The following KCNH5 variants were observed in gnomAD, a reference collection of about 807,000 sequenced individuals.
KCNH5 encodes potassium voltage-gated channel subfamily H member 5, also known as voltage-gated delayed rectifier potassium channel KCNH5.
In KCNH5, 46 loss-of-function variants were observed where a neutral mutation model predicts 96.1. The ratio of observed to expected loss-of-function variants is 0.48; its 90% CI spans 0.38 to 0.61. The LOEUF is 0.61. KCNH5 is among the 20% of genes least tolerant of loss of function. The pLI is 0.00. For synonymous variants in KCNH5, 439 were observed against 449.8 expected, an observed-to-expected ratio of 0.98 and a Z score of 0.30; for missense variants, 907 against 1,225.8, an observed-to-expected ratio of 0.74 and a Z score of 3.88.
intron 7 of KCNH5, among the ~76,000 whole-genome samples, chr14:62,909,538 T>C (rs1460858219): frequency 2.6e-5 from 4 of 152,108 alleles, no homozygotes; most frequent in Non-Finnish European, 4.4e-5. Context: ...CTCTCTCTCT[T>C]CCTCTCACAC....
In KCNH5 at chr14:62,949,962, T is replaced by C. The variant is rs1050726495; in HGVS notation, c.1369+171A>G. The stretch of plus-strand genomic sequence containing the variant: ...CATTATTATGTCCTGAAGAGTAAAA[T>C]ATATTATTTTGCATTTCTATTTTCT... On this transcript the variant is annotated intron_variant, in intron 7 of 10. Transcript: ENST00000322893. The C allele has an allele frequency of 1.0e-4, 63 of 606,916 alleles. No homozygotes were observed. The African/African-American group carries it at 1.0e-3, about 10-fold the overall frequency. 37.6% of individuals were successfully genotyped at this position (606,916 alleles called of 1,614,324 possible).
chr14:62,858,780 A>G (rs1423963029), intron 7 of KCNH5, among the ~76,000 whole-genome samples: 1 of 152,122 alleles, frequency 6.6e-6, no homozygotes, highest in Non-Finnish European at 1.5e-5. Context: ...AAACAATACC[A>G]TATATCGGAT....
intron 8 of KCNH5, among the ~76,000 whole-genome samples, chr14:62,844,751 C>T (rs1887656450): frequency 6.6e-6 from 1 of 152,116 alleles, no homozygotes; most frequent in Non-Finnish European, 1.5e-5. Flanking sequence ...CTGCAATCTC[C>T]ACATCAGTAC....
intron 2 of KCNH5, among the ~76,000 whole-genome samples, chr14:63,008,731 C>A (rs2012409): frequency 0.013 from 2,002 of 152,188 alleles, 47 homozygotes; most frequent in African/African-American, 0.046. Context: ...TCAAAGCACA[C>A]CTGCAAGCTG....
At chr14:62,982,662 G>C (rs987141835) in intron 5 of KCNH5, among the ~76,000 whole-genome samples, 8 of 152,172 alleles carry the variant, frequency 5.3e-5, no homozygotes, top group African/African-American at 1.9e-4. Context: ...TTGGCAGCTT[G>C]GGAGAGTATC....
At chr14:62,911,845 G>A (rs1208353933) in intron 7 of KCNH5, among the ~76,000 whole-genome samples, 3 of 151,532 alleles carry the variant, frequency 2.0e-5, no homozygotes, top group Admixed American at 6.6e-5. Flanking sequence ...GACAAGCCTG[G>A]CCAACATAGT....
intron 7 of KCNH5, among the ~76,000 whole-genome samples, chr14:62,869,284 C>T (rs1393770011): frequency 6.6e-6 from 1 of 152,104 alleles, no homozygotes; most frequent in African/African-American, 2.4e-5. Flanking sequence ...TCTCTAATGA[C>T]CAGTGATGAC....
intron 10 of KCNH5, among the ~76,000 whole-genome samples, chr14:62,725,329 T>G (rs907988098): frequency 6.6e-6 from 1 of 152,216 alleles, no homozygotes; most frequent in Non-Finnish European, 1.5e-5. Flanking sequence ...GTGTTACTTT[T>G]GGGTGGAAGA....
At chr14:62,979,409 A>T (rs904040069) in intron 6 of KCNH5, among the ~76,000 whole-genome samples, 3 of 152,124 alleles carry the variant, frequency 2.0e-5, no homozygotes, top group African/African-American at 7.2e-5. Context: ...TCAAAATACA[A>T]TGTCTACACT....
chr14:62,761,074 G>A (rs1885737001), intron 10 of KCNH5, among the ~76,000 whole-genome samples: 1 of 152,128 alleles, frequency 6.6e-6, no homozygotes, highest in African/African-American at 2.4e-5. Context: ...ATTACGGTCG[G>A]CCAGGCAGGG....
intron 7 of KCNH5, among the ~76,000 whole-genome samples, chr14:62,918,470 A>G (rs887535769): frequency 2.0e-5 from 3 of 152,160 alleles, no homozygotes; most frequent in Non-Finnish European, 4.4e-5. Context: ...TATTTGCAAC[A>G]CGTAAGATAA....
intron 7 of KCNH5, among the ~76,000 whole-genome samples, chr14:62,897,974 AT>A (rs756348614): frequency 6.6e-6 from 1 of 152,190 alleles, no homozygotes; most frequent in Non-Finnish European, 1.5e-5. Context: ...AAAATTTCTC[AT>A]TTAATGAAAC....
intron 5 of KCNH5, 91 bp from the exon 6 acceptor site, chr14:62,981,355 A>T: frequency 2.4e-6 from 3 of 1,274,322 alleles, no homozygotes; most frequent in Non-Finnish European, 3.3e-6. Flanking sequence ...AACCACAGCC[A>T]GTCATGCTCC....
At chr14:62,788,752 T>C (rs1886371128) in intron 9 of KCNH5, among the ~76,000 whole-genome samples, 1 of 152,184 alleles carries the variant, frequency 6.6e-6, no homozygotes, top group Non-Finnish European at 1.5e-5. Context: ...TACAACTTGC[T>C]GAAGGCTCAG....
At chr14:62,914,614 A>G (rs1291597367) in intron 7 of KCNH5, among the ~76,000 whole-genome samples, 1 of 152,160 alleles carries the variant, frequency 6.6e-6, no homozygotes, top group Non-Finnish European at 1.5e-5. Context: ...TATACAAAGC[A>G]TATTACATGT....
intron 8 of KCNH5, among the ~76,000 whole-genome samples, chr14:62,846,789 C>CTTTTTTTTTTTTT (rs766919022): frequency 1.5e-5 from 1 of 67,478 alleles, no homozygotes; most frequent in Non-Finnish European, 2.7e-5. Context: ...TGTATTGTAT[C>CTTTTTTTTTTTTT]TTTTTTTTTT....
intron 10 of KCNH5, among the ~76,000 whole-genome samples, chr14:62,774,511 C>G (rs1419983669): frequency 1.3e-5 from 2 of 152,138 alleles, no homozygotes; most frequent in Admixed American, 1.3e-4. Flanking sequence ...ATGGGAGGAA[C>G]TGTAATATTA....
chr14:62,965,166 T>A (rs1024496380), intron 6 of KCNH5, among the ~76,000 whole-genome samples: 1 of 152,078 alleles, frequency 6.6e-6, no homozygotes. Context: ...GAAGAATAAA[T>A]CCTTCTTATG....
rs1321511017 is a variant in KCNH5 at position 62,706,487 on chromosome 14, C to T, written c.*1021G>A. 1.3e-5 allele frequency: 2 copies of T among 152,086 alleles called. No individual in the cohort carries two copies. The highest frequency in any genetic ancestry group is 2.9e-5 in the Non-Finnish European group (2 of 67,972). 9.4% of individuals were successfully genotyped at this position (152,086 alleles called of 1,614,324 possible). On this transcript the variant is annotated 3_prime_UTR_variant, in exon 11 of 11. Coordinates refer to ENST00000322893, the MANE Select transcript of KCNH5 (RefSeq NM_139318.5). ...TCATTCTTTCTAAGTTATATACATG[C>T]CACAAAAATTTATCTATCTGTTTAC...
Sources: gnomAD v4.1 joint callset for allele counts (sites outside exome capture counted in the v4.1 genomes callset) on GRCh38, gnomAD v4.1.1 for gene constraint, MANE v1.5 for transcripts, NCBI Gene and HGNC (gene_info 2026-07-23, HGNC 2026-07-21) for gene names.